The following EVA1A variants were observed in gnomAD, a reference collection of about 807,000 sequenced individuals.
The protein encoded by EVA1A is eva-1 homolog A, regulator of programmed cell death.
EVA1A carries 7 observed loss-of-function variants against 9.8 expected under a neutral mutation model. That is an observed-to-expected ratio of 0.71 (90% CI 0.41 to 1.34). The LOEUF is 1.34. Ranked by LOEUF, EVA1A falls within the 40% of genes most tolerant of loss-of-function variation. The pLI is 0.01. For missense variants in EVA1A, 206 were observed against 205.9 expected, an observed-to-expected ratio of 1.00 and a Z score of 0.00; for synonymous variants, 90 against 85.6, an observed-to-expected ratio of 1.05 and a Z score of -0.28.
chr2:75,542,009 G>A (rs1381770536), intron 1 of EVA1A: 1 of 152,192 alleles, frequency 6.6e-6, no homozygotes, highest in African/African-American at 2.4e-5. Flanking sequence ...GGACCTGGTG[G>A]GAGATGATTG....
intron 3 of EVA1A, 47 bp downstream of exon 3, chr2:75,518,009 C>T (rs1435936528): frequency 1.2e-6 from 2 of 1,610,600 alleles, no homozygotes; most frequent in Admixed American, 1.7e-5. Flanking sequence ...CAACCTTGGA[C>T]CCAGCCCCAG....
chr2:75,501,749 A>G (rs1362832052), intron 3 of EVA1A, among the ~76,000 whole-genome samples: 1 of 152,166 alleles, frequency 6.6e-6, no homozygotes, highest in Non-Finnish European at 1.5e-5. Flanking sequence ...TCATGGATAG[A>G]GGAAAGGACC....
At chr2:75,535,292 T>A (rs540238065) in intron 1 of EVA1A, among the ~76,000 whole-genome samples, 1 of 48,226 alleles carries the variant, frequency 2.1e-5, no homozygotes, top group Non-Finnish European at 3.4e-5. Flanking sequence ...GGCATAGATA[T>A]GGCAAAAAAA....
intron 1 of EVA1A, among the ~76,000 whole-genome samples, chr2:75,530,473 C>T (rs1384050690): frequency 6.6e-6 from 1 of 152,066 alleles, no homozygotes; most frequent in East Asian, 1.9e-4. Flanking sequence ...GACCAATATG[C>T]CTGATGAACA....
intron 1 of EVA1A, among the ~76,000 whole-genome samples, chr2:75,532,263 G>A (rs1675691206): frequency 6.6e-6 from 1 of 151,214 alleles, no homozygotes; most frequent in Non-Finnish European, 1.5e-5. Context: ...ATAAAGAAAG[G>A]ACAGGACACT....
At chr2:75,495,089 C>G (rs1335306415) in intron 3 of EVA1A, among the ~76,000 whole-genome samples, 1 of 152,132 alleles carries the variant, frequency 6.6e-6, no homozygotes, top group Non-Finnish European at 1.5e-5. Flanking sequence ...TCACCCCCCT[C>G]CCACCAATTT....
At chr2:75,505,333 T>G (rs1674577896) in intron 3 of EVA1A, among the ~76,000 whole-genome samples, 1 of 152,320 alleles carries the variant, frequency 6.6e-6, no homozygotes, top group South Asian at 2.1e-4. Flanking sequence ...CACGTGACAG[T>G]GAGGAATCTG....
At chr2:75,501,879 C>T (rs1226751933) in intron 3 of EVA1A, among the ~76,000 whole-genome samples, 1 of 152,142 alleles carries the variant, frequency 6.6e-6, no homozygotes, top group African/African-American at 2.4e-5. Flanking sequence ...ACCATGAAGC[C>T]TTGAAGAGAA....
At chr2:75,505,315 A>G (rs752343522) in intron 3 of EVA1A, among the ~76,000 whole-genome samples, 4 of 152,154 alleles carry the variant, frequency 2.6e-5, no homozygotes, top group Non-Finnish European at 5.9e-5. Context: ...TATAACCATT[A>G]TCTTTCCCAC....
At chr2:75,543,671 C>T (rs995040793) in intron 1 of EVA1A, among the ~76,000 whole-genome samples, 9 of 152,060 alleles carry the variant, frequency 5.9e-5, no homozygotes, top group African/African-American at 1.2e-4. Context: ...GGGAGGTGGG[C>T]GGCTTCTACC....
chr2:75,546,080 A>G (rs1158096907), intron 1 of EVA1A, among the ~76,000 whole-genome samples: 2 of 152,106 alleles, frequency 1.3e-5, no homozygotes, highest in African/African-American at 4.8e-5. Flanking sequence ...GTGAGAGAGG[A>G]AACTGTTGAG....
chr2:75,534,777 CTTTT>C (rs1235579930), intron 1 of EVA1A, among the ~76,000 whole-genome samples: 10 of 151,966 alleles, frequency 6.6e-5, no homozygotes, highest in South Asian at 6.2e-4. Flanking sequence ...CCATTTATTT[CTTTT>C]GTTTCTGTTG....
intron 3 of EVA1A, among the ~76,000 whole-genome samples, chr2:75,508,543 C>G (rs1674699128): frequency 2.0e-5 from 3 of 152,120 alleles, no homozygotes; most frequent in Admixed American, 2.0e-4. Context: ...AAGATGTTAT[C>G]AATGACAATG....
chr2:75,519,625 C>T (rs1431863959), intron 2 of EVA1A, among the ~76,000 whole-genome samples: 3 of 152,128 alleles, frequency 2.0e-5, no homozygotes, highest in African/African-American at 2.4e-5. Context: ...CAGAACACAG[C>T]GCCTCTTTCA....
chr2:75,503,050 C>G (rs1414272976), intron 3 of EVA1A, among the ~76,000 whole-genome samples: 2 of 152,190 alleles, frequency 1.3e-5, no homozygotes, highest in Non-Finnish European at 2.9e-5. Flanking sequence ...CCTCCCAGAT[C>G]AGAAAACATC....
chr2:75,515,173 CTTTA>C (rs928191078), intron 3 of EVA1A, among the ~76,000 whole-genome samples: 1 of 152,116 alleles, frequency 6.6e-6, no homozygotes, highest in African/African-American at 2.4e-5. Flanking sequence ...TATAAAAGCT[CTTTA>C]TTTGTTATAA....
At chr2:75,536,815 C>T (rs1002001723) in intron 1 of EVA1A, among the ~76,000 whole-genome samples, 1 of 151,884 alleles carries the variant, frequency 6.6e-6, no homozygotes, top group African/African-American at 2.4e-5. Flanking sequence ...AATTTTAACC[C>T]CCCCGCTCCA....
chr2:75,564,556 A>C (rs1676990726), upstream of EVA1A, among the ~76,000 whole-genome samples: 1 of 152,178 alleles, frequency 6.6e-6, no homozygotes, highest in Admixed American at 6.5e-5. Context: ...TCATGGAAAA[A>C]GTCTAGAAGC....
chr2:75,547,873 T>A (rs1676386315), intron 1 of EVA1A, among the ~76,000 whole-genome samples: 1 of 152,206 alleles, frequency 6.6e-6, no homozygotes, highest in Admixed American at 6.5e-5. Flanking sequence ...CTGTTTTTGT[T>A]TATAAAGTTT....
Sources: gnomAD v4.1 joint callset for allele counts (sites outside exome capture counted in the v4.1 genomes callset) on GRCh38, gnomAD v4.1.1 for gene constraint, MANE v1.5 for transcripts, NCBI Gene and HGNC (gene_info 2026-07-23, HGNC 2026-07-21) for gene names.